The following RAB27A variants were observed in gnomAD, a reference collection of about 807,000 sequenced individuals.
The protein encoded by RAB27A is ras-related protein Rab-27A.
RAB27A carries 17 observed loss-of-function variants against 20.8 expected under a neutral mutation model. The ratio of observed to expected loss-of-function variants is 0.82; its 90% CI spans 0.56 to 1.23. RAB27A has a LOEUF of 1.23. RAB27A is among the 50% of genes most tolerant of loss of function. The pLI is 0.00. For synonymous variants in RAB27A, 85 were observed against 92.8 expected (o/e 0.92, Z 0.48); for missense variants, 277 against 266.7 (o/e 1.04, Z -0.27).
intron 2 of RAB27A, among the ~76,000 whole-genome samples, chr15:55,262,503 C>A (rs1897308832): frequency 6.7e-6 from 1 of 148,438 alleles, no homozygotes. Flanking sequence ...GATCACGCCA[C>A]TGCACTCCAG....
Position 55,234,774 on chromosome 15 carries a change from G to T in RAB27A, c.153+8C>A. On this transcript the variant is annotated splice_region_variant and intron_variant, in intron 3 of 6. Coordinates refer to ENST00000336787, the MANE Select transcript of RAB27A (RefSeq NM_183235.3). ...TTACATTTTTACATAGAAGGATATA[G>T]AACTTACCACTCTTTTTTCCCTGAA... 2 of 1,605,852 alleles carry T rather than the reference G, an allele frequency of 1.2e-6. No individual in the cohort carries two copies. The highest frequency in any genetic ancestry group is 2.2e-5 in the South Asian group (2 of 90,890).
chr15:55,303,090 T>G (rs1595755645), intron 2 of RAB27A, among the ~76,000 whole-genome samples: 3 of 113,104 alleles, frequency 2.7e-5, no homozygotes, highest in South Asian at 3.2e-4. Context: ...GGTGGGGGGG[T>G]CAGCCCCCCG....
chr15:55,263,385 A>G (rs1897345043), intron 2 of RAB27A, among the ~76,000 whole-genome samples: 2 of 152,140 alleles, frequency 1.3e-5, no homozygotes, highest in Admixed American at 1.3e-4. Context: ...GGCTTAAAAA[A>G]AAAAGTTACT....
intron 6 of RAB27A, among the ~76,000 whole-genome samples, chr15:55,211,969 T>TG (rs1250378663): frequency 1.3e-5 from 2 of 151,860 alleles, no homozygotes; most frequent in East Asian, 3.8e-4. Context: ...TTTTTTTTTT[T>TG]TTTTTTTTTA....
intron 2 of RAB27A, among the ~76,000 whole-genome samples, chr15:55,312,093 C>T (rs190462562): frequency 4.6e-5 from 7 of 152,318 alleles, no homozygotes; most frequent in East Asian, 1.9e-4. Context: ...TCGATTAGGA[C>T]GAACCCAGGC....
intron 2 of RAB27A, among the ~76,000 whole-genome samples, chr15:55,267,275 T>C (rs953177119): frequency 6.6e-6 from 1 of 152,194 alleles, no homozygotes; most frequent in African/African-American, 2.4e-5. Flanking sequence ...GGAGGCCTGA[T>C]AGGGTATGAA....
At chr15:55,238,778 T>G (rs2141001107) in intron 2 of RAB27A, among the ~76,000 whole-genome samples, 1 of 152,344 alleles carries the variant, frequency 6.6e-6, no homozygotes, top group Middle Eastern at 3.4e-3. Context: ...TGATCCTTTT[T>G]GGCTGGTTCT....
At chr15:55,274,374 G>C (rs1007883975) in intron 1 of RAB27A, among the ~76,000 whole-genome samples, 2 of 151,580 alleles carry the variant, frequency 1.3e-5, no homozygotes, top group African/African-American at 4.9e-5. Context: ...AAAATTAGAA[G>C]AAAGAATGAA....
In RAB27A at chr15:55,265,895, C is replaced by A. The variant is rs190364777; in HGVS notation, c.-23+4270G>T. Among the ~76,000 whole-genome samples, 57 of 152,290 alleles carry A rather than the reference C, an allele frequency of 3.7e-4. 2 individuals are homozygous for A. In the East Asian group the frequency reaches 0.011, roughly 29 times the overall value. The stretch of plus-strand genomic sequence containing the variant: ...GGTCTAAAAGGACTGTGACATGGCA[C>A]TAAAAAGTTTGTGTGTTATCCTCTG... On this transcript the variant is annotated intron_variant, in intron 2 of 6. Coordinates refer to ENST00000336787, the MANE Select transcript of RAB27A (RefSeq NM_183235.3).
intron 6 of RAB27A, among the ~76,000 whole-genome samples, chr15:55,206,000 C>T (rs1945563718): frequency 1.3e-5 from 2 of 151,880 alleles, no homozygotes; most frequent in African/African-American, 4.8e-5. Flanking sequence ...CACCTGAGGT[C>T]AGGAGTTTAA....
chr15:55,310,490 G>T (rs2055015648), intron 2 of RAB27A, among the ~76,000 whole-genome samples: 1 of 152,172 alleles, frequency 6.6e-6, no homozygotes, highest in Non-Finnish European at 1.5e-5. Flanking sequence ...TAAGGGGCAT[G>T]GACGAGGGGG....
chr15:55,283,838 T>C (rs1047474689), intron 1 of RAB27A, among the ~76,000 whole-genome samples: 1 of 152,236 alleles, frequency 6.6e-6, no homozygotes, highest in African/African-American at 2.4e-5. Context: ...AGTATCATAT[T>C]ATTGTGTTTA....
At chr15:55,271,346 A>G (rs1019730697) in intron 1 of RAB27A, among the ~76,000 whole-genome samples, 23 of 152,344 alleles carry the variant, frequency 1.5e-4, no homozygotes, top group African/African-American at 5.5e-4. Flanking sequence ...GTATTATAGC[A>G]TCTTCTAGGA....
chr15:55,286,516 T>C (rs1049592219), intron 1 of RAB27A, among the ~76,000 whole-genome samples: 11 of 152,010 alleles, frequency 7.2e-5, no homozygotes, highest in Admixed American at 2.0e-4. Flanking sequence ...TCCAGAAAAA[T>C]GACTTTTCAC....
upstream of RAB27A, among the ~76,000 whole-genome samples, chr15:55,292,262 C>T (rs1159776946): frequency 6.6e-6 from 1 of 152,180 alleles, no homozygotes; most frequent in Admixed American, 6.5e-5. Context: ...CTTACAACTA[C>T]TTTATGAAGT....
rs557963806 is a variant in RAB27A at position 55,217,741 on chromosome 15, A to G, written c.467+6148T>C. ...CCATTTTAACCATAGAAAGAGTGCT[A>G]TTGTTCCTTTTCTCCACATGGTGGT... is the stretch of plus-strand genomic sequence containing the variant. On this transcript the variant is annotated intron_variant, in intron 6 of 6. Coordinates refer to ENST00000336787, the MANE Select transcript of RAB27A (RefSeq NM_183235.3). 6.8e-5 allele frequency among the ~76,000 whole-genome samples: 10 copies of G among 147,682 alleles called. 1 individual carries two copies. Among genetic ancestry groups the G allele is most frequent in the African/African-American group, 2.0e-4 (8 of 40,230 alleles).
chr15:55,258,777 A>T (rs1244346070), intron 2 of RAB27A, among the ~76,000 whole-genome samples: 1 of 152,030 alleles, frequency 6.6e-6, no homozygotes, highest in African/African-American at 2.4e-5. Context: ...TTGGCCATCT[A>T]GTTTCCTCTT....
chr15:55,208,568 A>G (rs1306241741), intron 6 of RAB27A, among the ~76,000 whole-genome samples: 1 of 152,204 alleles, frequency 6.6e-6, no homozygotes, highest in Admixed American at 6.5e-5. Context: ...AAAACATTCC[A>G]GGCATCACAT....
chr15:55,318,416 AG>A (rs1006511537), intron 1 of RAB27A, among the ~76,000 whole-genome samples: 3 of 141,808 alleles, frequency 2.1e-5, no homozygotes, highest in Non-Finnish European at 4.6e-5. Context: ...TTTTAACAAG[AG>A]GAGTGGGCCG....
Sources: allele counts gnomAD v4.1 joint callset (sites outside exome capture counted in the v4.1 genomes callset), GRCh38; gene constraint gnomAD v4.1.1; transcripts MANE v1.5; gene names NCBI Gene and HGNC (gene_info 2026-07-23, HGNC 2026-07-21).